The following ABCC9 variants were observed in gnomAD, a reference collection of about 807,000 sequenced individuals.
ABCC9 encodes the protein ATP binding cassette subfamily C member 9.
ABCC9 carries 95 observed loss-of-function variants against 188.3 expected under a neutral mutation model. The observed-to-expected ratio is 0.50, with a 90% CI of 0.43 to 0.60. ABCC9 has a LOEUF of 0.60. ABCC9 is among the 20% of genes least tolerant of loss of function. The pLI, the probability that ABCC9 is intolerant of heterozygous loss-of-function variation, is 0.00. For missense variants in ABCC9, 1,102 were observed against 1,876.3 expected, an observed-to-expected ratio of 0.59 and a Z score of 7.62; for synonymous variants, 659 against 652.7, an observed-to-expected ratio of 1.01 and a Z score of -0.15.
intron 31 of ABCC9, among the ~76,000 whole-genome samples, chr12:21,819,781 A>C (rs562173501): frequency 6.6e-6 from 1 of 152,336 alleles, no homozygotes; most frequent in South Asian, 2.1e-4. Context: ...GCAGGCACTA[A>C]AATTTAATTC....
At chr12:21,939,661 G>C (rs921255940) in intron 2 of ABCC9, among the ~76,000 whole-genome samples, 1 of 152,152 alleles carries the variant, frequency 6.6e-6, no homozygotes, top group Admixed American at 6.5e-5. Context: ...AGAGAGAAGG[G>C]AGAGCAGATG....
intron 12 of ABCC9, among the ~76,000 whole-genome samples, chr12:21,903,823 A>G (rs532302121): frequency 4.6e-5 from 7 of 152,386 alleles, no homozygotes; most frequent in African/African-American, 1.7e-4. Flanking sequence ...CATGGATAGG[A>G]AGAATCAATA....
chr12:21,934,068 C>T, intron 3 of ABCC9, 145 bp from the exon 4 acceptor site: 1 of 740,378 alleles, frequency 1.4e-6, no homozygotes, highest in South Asian at 1.8e-5. Flanking sequence ...AATGGAAATC[C>T]TAGTCTATTT....
intron 10 of ABCC9, among the ~76,000 whole-genome samples, chr12:21,909,928 G>A (rs1948238937): frequency 6.6e-6 from 1 of 151,884 alleles, no homozygotes; most frequent in Non-Finnish European, 1.5e-5. Flanking sequence ...TTAAGCACTT[G>A]TGTAAATGAC....
chr12:21,807,903 A>G (rs911348605), intron 37 of ABCC9, among the ~76,000 whole-genome samples: 3 of 152,014 alleles, frequency 2.0e-5, no homozygotes, highest in African/African-American at 7.2e-5. Context: ...TCATTATACC[A>G]TCTTTCTGGA....
chr12:21,821,225 A>G (rs1016752345), intron 31 of ABCC9, among the ~76,000 whole-genome samples: 1 of 152,174 alleles, frequency 6.6e-6, no homozygotes, highest in East Asian at 1.9e-4. Context: ...ACAAGCATAC[A>G]TTTTTTGATA....
chr12:21,910,518 C>A (rs564691722), intron 9 of ABCC9, among the ~76,000 whole-genome samples: 11 of 151,826 alleles, frequency 7.2e-5, no homozygotes, highest in Non-Finnish European at 1.2e-4. Context: ...ATACAGACTT[C>A]CTTTTTTCTA....
intron 30 of ABCC9, 40 bp downstream of exon 30, chr12:21,838,038 T>C: frequency 7.0e-7 from 1 of 1,428,908 alleles, no homozygotes; most frequent in Non-Finnish European, 9.9e-7. Context: ...GTTGATGATG[T>C]TATTGCCTAG....
chr12:21,917,623 T>C (rs1434606068), intron 5 of ABCC9, among the ~76,000 whole-genome samples: 1 of 152,146 alleles, frequency 6.6e-6, no homozygotes, highest in Non-Finnish European at 1.5e-5. Context: ...GTGACTTTCC[T>C]TAGTCAAATG....
chr12:21,875,027 T>C (rs1457603118), intron 17 of ABCC9, among the ~76,000 whole-genome samples: 1 of 151,418 alleles, frequency 6.6e-6, no homozygotes, highest in East Asian at 2.0e-4. Context: ...CTGTGTACTT[T>C]AAAATGTGTC....
chr12:21,892,457 A>T (rs944710177), intron 14 of ABCC9, among the ~76,000 whole-genome samples: 1 of 152,094 alleles, frequency 6.6e-6, no homozygotes, highest in African/African-American at 2.4e-5. Flanking sequence ...AAAATAGCAG[A>T]CTCTGGCCAT....
At chr12:21,844,674 A>G in intron 27 of ABCC9, 93 bp downstream of exon 27, 2 of 1,584,888 alleles carry the variant, frequency 1.3e-6, no homozygotes, top group Non-Finnish European at 1.7e-6. Flanking sequence ...CAAGGACTAA[A>G]GAAATTCTTC....
chr12:21,865,514 CT>C (rs1368828524), intron 18 of ABCC9, among the ~76,000 whole-genome samples: 1 of 152,052 alleles, frequency 6.6e-6, no homozygotes, highest in Non-Finnish European at 1.5e-5. Context: ...GAAATTTGGA[CT>C]TTGTTTTCTG....
chr12:21,919,373 G>A (rs986955347), intron 5 of ABCC9, among the ~76,000 whole-genome samples: 1 of 151,788 alleles, frequency 6.6e-6, no homozygotes, highest in Admixed American at 6.6e-5. Context: ...ACTTTAAAAG[G>A]AGAATCAGGA....
At chr12:21,917,359 A>T (rs899135776) in intron 5 of ABCC9, among the ~76,000 whole-genome samples, 4 of 152,216 alleles carry the variant, frequency 2.6e-5, no homozygotes, top group African/African-American at 9.6e-5. Context: ...AAAGAGATAT[A>T]TAATAGGATA....
At chr12:21,922,790 TAA>T (rs1948881761) in intron 5 of ABCC9, among the ~76,000 whole-genome samples, 1 of 147,762 alleles carries the variant, frequency 6.8e-6, no homozygotes, top group South Asian at 2.1e-4. Flanking sequence ...AACCTGATTC[TAA>T]ACTGTATATA....
chr12:21,799,104 G>A lies in ABCC9; in HGVS notation c.*1940C>T, dbSNP rs1426336306. On this transcript the variant is annotated 3_prime_UTR_variant, in exon 40 of 40. Transcript: ENST00000261200. Reference sequence around the variant, plus strand: ...ACACTCTGGGGACTGTGGTGGGGTGGGGGGAGTGGGGAGGGATAGCATTGG... The same window carrying A: ...ACACTCTGGGGACTGTGGTGGGGTGAGGGGAGTGGGGAGGGATAGCATTGG... The A allele has an allele frequency of 6.7e-6, 1 of 148,386 alleles. No homozygotes were observed. Among genetic ancestry groups the A allele is most frequent in the South Asian group, 2.2e-4 (1 of 4,618 alleles). 9.2% of individuals were successfully genotyped at this position (148,386 alleles called of 1,614,324 possible). A position where few individuals can be genotyped will look rare whatever the true frequency, so the allele number is the denominator to read the frequency against.
At chr12:21,842,077 T>C (rs1056993989) in intron 29 of ABCC9, among the ~76,000 whole-genome samples, 13 of 152,190 alleles carry the variant, frequency 8.5e-5, no homozygotes, top group African/African-American at 2.9e-4. Flanking sequence ...CCATATACTT[T>C]AAATCATCTG....
intron 19 of ABCC9, 66 bp downstream of exon 19, chr12:21,864,373 T>TA (rs891255109): frequency 1.0e-4 from 121 of 1,153,394 alleles, no homozygotes; most frequent in Non-Finnish European, 1.5e-4. Context: ...AAAATGAGAT[T>TA]AAAGAGATTA....
Sources: allele counts gnomAD v4.1 joint callset (sites outside exome capture counted in the v4.1 genomes callset), GRCh38; gene constraint gnomAD v4.1.1; transcripts MANE v1.5; gene names NCBI Gene and HGNC (gene_info 2026-07-23, HGNC 2026-07-21).